Variants in GLIS3 observed in about 807,000 individuals in gnomAD.
GLIS3 encodes GLIS family zinc finger 3.
A neutral mutation model predicts 78.6 loss-of-function variants in GLIS3; 53 were observed. That is an observed-to-expected ratio of 0.67 (90% CI 0.54 to 0.85). GLIS3 has a LOEUF of 0.85. GLIS3 is among the 40% of genes least tolerant of loss of function. GLIS3 has a pLI of 0.00. For synonymous variants in GLIS3, 684 were observed against 509.9 expected (o/e 1.34, Z -4.60); for missense variants, 1,703 against 1,231.1 (o/e 1.38, Z -5.74).
intron 2 of GLIS3, among the ~76,000 whole-genome samples, chr9:4,279,390 T>C (rs1827345656): frequency 6.9e-6 from 1 of 145,718 alleles, no homozygotes. Context: ...TATTTTATAT[T>C]ATATATATAT....
At chr9:4,270,730 G>C (rs950718222) in intron 2 of GLIS3, among the ~76,000 whole-genome samples, 19 of 152,206 alleles carry the variant, frequency 1.2e-4, no homozygotes, top group Admixed American at 1.0e-3. Context: ...CTCTGAGCTA[G>C]AACATTGGTC....
chr9:4,004,166 G>T (rs16920322), intron 4 of GLIS3, among the ~76,000 whole-genome samples: 1 of 152,138 alleles, frequency 6.6e-6, no homozygotes, highest in African/African-American at 2.4e-5. Context: ...TACGAAAAGG[G>T]AATTGCAAGT....
chr9:4,352,880 T>C (rs148874103), upstream of GLIS3, among the ~76,000 whole-genome samples: 7 of 152,348 alleles, frequency 4.6e-5, no homozygotes, highest in African/African-American at 1.7e-4. Flanking sequence ...AAGAAAACCA[T>C]ATCCTGTGGT....
chr9:4,392,630 T>C, the GLIS3 span, among the ~76,000 whole-genome samples: 1 of 152,262 alleles, frequency 6.6e-6, no homozygotes, highest in African/African-American at 2.4e-5. Flanking sequence ...ATGTTTTCTT[T>C]TTTCTCCCAA....
At chr9:4,086,139 C>G (rs925092513) in intron 4 of GLIS3, among the ~76,000 whole-genome samples, 1 of 152,156 alleles carries the variant, frequency 6.6e-6, no homozygotes, top group African/African-American at 2.4e-5. Flanking sequence ...ATGTAACTAC[C>G]ACTGCACATA....
intron 6 of GLIS3, among the ~76,000 whole-genome samples, chr9:3,910,508 T>C (rs1459833295): frequency 6.6e-6 from 1 of 152,166 alleles, no homozygotes; most frequent in African/African-American, 2.4e-5. Flanking sequence ...GGCCACCACA[T>C]CCAGCTAATT....
chr9:4,030,808 G>C (rs1247866689), intron 4 of GLIS3, among the ~76,000 whole-genome samples: 5 of 152,314 alleles, frequency 3.3e-5, no homozygotes, highest in South Asian at 4.1e-4. Context: ...CAGAAATGCT[G>C]ACTTATCTGC....
At chr9:4,191,332 G>A (rs1818316239) in intron 2 of GLIS3, among the ~76,000 whole-genome samples, 1 of 152,110 alleles carries the variant, frequency 6.6e-6, no homozygotes, top group African/African-American at 2.4e-5. Context: ...ATTTTCAACT[G>A]AGCATTTTAG....
Position 3,829,185 on chromosome 9 carries a change from G to T in GLIS3, c.2656+125C>A, listed in dbSNP as rs1563754290. Reference sequence around the variant, plus strand: ...GGTGGAGATGAGAGCCATTTCAGGGGTCGTTCAACAGGATTTGATGCGGTC... The same window carrying T: ...GGTGGAGATGAGAGCCATTTCAGGGTTCGTTCAACAGGATTTGATGCGGTC... On this transcript the variant is annotated intron_variant, in intron 10 of 10. Transcript: ENST00000381971. 10 of 780,298 alleles carry T rather than the reference G, an allele frequency of 1.3e-5. No individual in the cohort carries two copies. The East Asian group carries it at 2.6e-4, about 20-fold the overall frequency. 48.3% of individuals were successfully genotyped at this position (780,298 alleles called of 1,614,324 possible). A position where few individuals can be genotyped will look rare whatever the true frequency, so the allele number is the denominator to read the frequency against.
At chr9:4,020,219 G>A (rs1010591861) in intron 4 of GLIS3, among the ~76,000 whole-genome samples, 2 of 152,184 alleles carry the variant, frequency 1.3e-5, no homozygotes, top group Non-Finnish European at 2.9e-5. Flanking sequence ...CTCCTGGTGT[G>A]CAGCAGGAAC....
At chr9:4,238,877 C>T (rs866211731) in intron 2 of GLIS3, among the ~76,000 whole-genome samples, 34 of 152,212 alleles carry the variant, frequency 2.2e-4, no homozygotes, top group Non-Finnish European at 3.2e-4. Context: ...ACTAAGACTA[C>T]TATAGCCACA....
chr9:4,360,870 G>A, the GLIS3 span, among the ~76,000 whole-genome samples: 1 of 152,220 alleles, frequency 6.6e-6, no homozygotes, highest in Non-Finnish European at 1.5e-5. Context: ...CTGAGGTGGA[G>A]GAGCTGGCTG....
chr9:4,216,329 C>G (rs570929246), intron 2 of GLIS3, among the ~76,000 whole-genome samples: 3 of 151,758 alleles, frequency 2.0e-5, no homozygotes, highest in East Asian at 1.9e-4. Flanking sequence ...AAAAATTAGC[C>G]GGGCGTGGTG....
chr9:4,163,586 T>C (rs950458023), intron 2 of GLIS3, among the ~76,000 whole-genome samples: 1 of 152,206 alleles, frequency 6.6e-6, no homozygotes, highest in Admixed American at 6.5e-5. Context: ...GCATGGCAGT[T>C]TGGAGTGTGA....
chr9:4,222,964 C>T (rs1181979573), intron 2 of GLIS3, among the ~76,000 whole-genome samples: 1 of 152,122 alleles, frequency 6.6e-6, no homozygotes, highest in Non-Finnish European at 1.5e-5. Flanking sequence ...AGGTTTACTC[C>T]TTTAACTGTT....
At chr9:4,332,332 C>A (rs1044600984) in intron 2 of GLIS3, among the ~76,000 whole-genome samples, 10 of 152,180 alleles carry the variant, frequency 6.6e-5, no homozygotes, top group Non-Finnish European at 1.3e-4. Context: ...CCTCATTACC[C>A]ACTATCACCT....
chr9:4,370,503 C>T, the GLIS3 span, among the ~76,000 whole-genome samples: 2 of 152,078 alleles, frequency 1.3e-5, no homozygotes, highest in South Asian at 2.1e-4. Context: ...CTTCATTATT[C>T]CAAATTGTCA....
At chr9:4,386,610 C>A in the GLIS3 span, 1 of 152,108 alleles carries the variant, frequency 6.6e-6, no homozygotes, top group Admixed American at 6.5e-5. Context: ...TGGGAGCAGG[C>A]CTGAGCTTGG....
chr9:4,368,070 C>T, the GLIS3 span, among the ~76,000 whole-genome samples: 21 of 152,312 alleles, frequency 1.4e-4, no homozygotes, highest in East Asian at 3.3e-3. Flanking sequence ...CCAGTCAATT[C>T]TTGCTTATTC....
Sources: allele counts gnomAD v4.1 joint callset (sites outside exome capture counted in the v4.1 genomes callset), GRCh38; gene constraint gnomAD v4.1.1; transcripts MANE v1.5; gene names NCBI Gene and HGNC (gene_info 2026-07-23, HGNC 2026-07-21).